Variants in CYP7B1 observed in about 807,000 individuals in gnomAD.
CYP7B1 encodes cytochrome P450 7B1.
In CYP7B1, 29 loss-of-function variants were observed where a neutral mutation model predicts 42.7. The observed-to-expected ratio is 0.68, with a 90% CI of 0.51 to 0.93. CYP7B1 has a LOEUF of 0.93. Ranked by LOEUF, CYP7B1 falls within the 40% of genes least tolerant of loss-of-function variation. The pLI, the probability that CYP7B1 is intolerant of heterozygous loss-of-function variation, is 0.00. For synonymous variants in CYP7B1, 235 were observed against 218.2 expected, an observed-to-expected ratio of 1.08 and a Z score of -0.68; for missense variants, 655 against 600.5, an observed-to-expected ratio of 1.09 and a Z score of -0.95.
intron 1 of CYP7B1, among the ~76,000 whole-genome samples, chr8:64,712,274 C>CT (rs78409341): frequency 0.054 from 7,785 of 144,520 alleles, 267 homozygotes; most frequent in Non-Finnish European, 0.077. Context: ...ATCAGCAATC[C>CT]TTTTTTTTTT....
intron 1 of CYP7B1, among the ~76,000 whole-genome samples, chr8:64,704,891 G>C (rs1053539891): frequency 5.9e-5 from 9 of 151,982 alleles, no homozygotes. Flanking sequence ...TGACTTATTG[G>C]GGGAAAAAAT....
chr8:64,651,831 T>C (rs1367373361), intron 1 of CYP7B1, among the ~76,000 whole-genome samples: 3 of 152,224 alleles, frequency 2.0e-5, no homozygotes, highest in Non-Finnish European at 4.4e-5. Flanking sequence ...GAAATAAATT[T>C]GTGGCTTATA....
At position 64,731,656 on chromosome 8, in the gene CYP7B1, GA is replaced by G. The variant is rs1221670932; in HGVS notation, c.122+66809del. Among the ~76,000 whole-genome samples the G allele has an allele frequency of 7.2e-5, 11 of 152,334 alleles. No homozygotes were observed. The East Asian group carries it at 2.1e-3, about 29-fold the overall frequency. ...GAATGTTAATCACAAAGACAGTGGG[GA>G]AAATGTCTCCAGGGCATGTCGGAGA... is the stretch of plus-strand genomic sequence containing the variant. On this transcript the variant is annotated intron_variant, in intron 1 of 5. Coordinates refer to ENST00000310193, the MANE Select transcript of CYP7B1 (RefSeq NM_004820.5).
At chr8:64,630,195 A>G (rs1393071379) in intron 1 of CYP7B1, among the ~76,000 whole-genome samples, 1 of 152,184 alleles carries the variant, frequency 6.6e-6, no homozygotes, top group Non-Finnish European at 1.5e-5. Context: ...GTTTTACAAA[A>G]GAGACTAGGT....
intron 1 of CYP7B1, among the ~76,000 whole-genome samples, chr8:64,756,704 A>G (rs1807813311): frequency 6.6e-6 from 1 of 152,156 alleles, no homozygotes; most frequent in Non-Finnish European, 1.5e-5. Flanking sequence ...CTTGGAAGGG[A>G]CCTTAGGGAT....
At chr8:64,732,076 CAG>C (rs1279014279) in intron 1 of CYP7B1, among the ~76,000 whole-genome samples, 1 of 152,226 alleles carries the variant, frequency 6.6e-6, no homozygotes, top group Non-Finnish European at 1.5e-5. Context: ...AGCCCACACA[CAG>C]AGTCTCCACT....
intron 1 of CYP7B1, among the ~76,000 whole-genome samples, chr8:64,788,823 G>C (rs1259206829): frequency 2.0e-5 from 3 of 152,176 alleles, no homozygotes; most frequent in African/African-American, 7.2e-5. Context: ...GCCTACTGTA[G>C]AATATACAGT....
At chr8:64,764,976 G>GA (rs569191280) in intron 1 of CYP7B1, among the ~76,000 whole-genome samples, 3,801 of 128,510 alleles carry the variant, frequency 0.03, 127 homozygotes, top group African/African-American at 0.087. Context: ...GGTGATTGAG[G>GA]AAAAAAAAAA....
chr8:64,619,384 C>T (rs1409767305), intron 2 of CYP7B1, among the ~76,000 whole-genome samples: 1 of 152,146 alleles, frequency 6.6e-6, no homozygotes, highest in Non-Finnish European at 1.5e-5. Context: ...AAGGTAAAAA[C>T]AATACCCTTT....
chr8:64,701,719 C>T (rs1315859686), intron 1 of CYP7B1, among the ~76,000 whole-genome samples: 1 of 151,972 alleles, frequency 6.6e-6, no homozygotes, highest in Non-Finnish European at 1.5e-5. Context: ...ATTCCAGACA[C>T]ACACATAACG....
chr8:64,774,069 C>A (rs1423144643), intron 1 of CYP7B1, among the ~76,000 whole-genome samples: 3 of 152,188 alleles, frequency 2.0e-5, no homozygotes, highest in Non-Finnish European at 4.4e-5. Flanking sequence ...CATCCTTATA[C>A]CTTCCCTCTC....
At chr8:64,643,184 T>TATATACACATATATAC (rs1563374423) in intron 1 of CYP7B1, among the ~76,000 whole-genome samples, 7 of 38,206 alleles carry the variant, frequency 1.8e-4, no homozygotes, top group African/African-American at 2.7e-4. Context: ...TATATATACA[T>TATATACACATATATAC]ATATATATAC....
At chr8:64,782,384 G>A (rs966574316) in intron 1 of CYP7B1, among the ~76,000 whole-genome samples, 1 of 152,104 alleles carries the variant, frequency 6.6e-6, no homozygotes, top group South Asian at 2.1e-4. Context: ...CAGGTCCTTT[G>A]CCCCTTCCTC....
intron 2 of CYP7B1, 60 bp downstream of exon 2, chr8:64,624,343 C>T: frequency 6.7e-7 from 1 of 1,500,112 alleles, no homozygotes; most frequent in East Asian, 2.3e-5. Flanking sequence ...AACAGAAAGA[C>T]ATTAAAGAAC....
chr8:64,663,517 TAGAC>T (rs1302627483), intron 1 of CYP7B1, among the ~76,000 whole-genome samples: 1 of 152,230 alleles, frequency 6.6e-6, no homozygotes, highest in Non-Finnish European at 1.5e-5. Flanking sequence ...TCTCCATTCA[TAGAC>T]AGGGCCTCCT....
intron 1 of CYP7B1, among the ~76,000 whole-genome samples, chr8:64,693,740 C>T (rs1806783128): frequency 6.6e-6 from 1 of 152,070 alleles, no homozygotes; most frequent in Non-Finnish European, 1.5e-5. Flanking sequence ...AAATGGAGAA[C>T]CATGCAATAT....
At chr8:64,756,587 G>T in intron 1 of CYP7B1, among the ~76,000 whole-genome samples, 1 of 152,174 alleles carries the variant, frequency 6.6e-6, no homozygotes, top group Admixed American at 6.5e-5. Context: ...AAGGCACGGC[G>T]AGAAGATTCT....
intron 1 of CYP7B1, among the ~76,000 whole-genome samples, chr8:64,685,271 T>A (rs1288509081): frequency 5.5e-5 from 8 of 145,726 alleles, no homozygotes; most frequent in African/African-American, 2.0e-4. Flanking sequence ...GATTGCAGCC[T>A]CTGCCCGGCT....
intron 1 of CYP7B1, among the ~76,000 whole-genome samples, chr8:64,721,841 T>C (rs1038352393): frequency 2.6e-5 from 4 of 152,278 alleles, no homozygotes; most frequent in African/African-American, 4.8e-5. Context: ...GATAACATTA[T>C]CTACTGTAAA....
Sources: allele counts gnomAD v4.1 joint callset (sites outside exome capture counted in the v4.1 genomes callset), GRCh38; gene constraint gnomAD v4.1.1; transcripts MANE v1.5; gene names NCBI Gene and HGNC (gene_info 2026-07-23, HGNC 2026-07-21).